ABCC1: variants seen among roughly 807,000 people sequenced by gnomAD.
The protein encoded by ABCC1 is multidrug resistance-associated protein 1.
In ABCC1, 83 loss-of-function variants were observed where a neutral mutation model predicts 172.9. The observed-to-expected ratio is 0.48, with a 90% confidence interval of 0.40 to 0.58. ABCC1 has a LOEUF of 0.58. ABCC1 is among the 20% of genes least tolerant of loss of function. The pLI is 0.00. For synonymous variants in ABCC1, 937 were observed against 825.2 expected, an observed-to-expected ratio of 1.14 and a Z score of -2.32; for missense variants, 1,817 against 2,002.7, an observed-to-expected ratio of 0.91 and a Z score of 1.77.
At chr16:16,067,960 C>T (rs2050175992) in intron 12 of ABCC1, among the ~76,000 whole-genome samples, 196 bp from the exon 13 acceptor site, 1 of 152,104 alleles carries the variant, frequency 6.6e-6, no homozygotes, top group Non-Finnish European at 1.5e-5. Context: ...TTGATTTATC[C>T]AGTTCATTCC....
chr16:16,007,301 C>T (rs74354546), intron 1 of ABCC1, among the ~76,000 whole-genome samples: 1 of 151,524 alleles, frequency 6.6e-6, no homozygotes, highest in Admixed American at 6.6e-5. Context: ...GATCTCAGCT[C>T]GTTGCAACTT....
chr16:16,021,638 G>A (rs1209262420), intron 5 of ABCC1, among the ~76,000 whole-genome samples: 2 of 152,106 alleles, frequency 1.3e-5, no homozygotes. Context: ...AATTGCTTGT[G>A]CCCGGGAGGC....
intron 1 of ABCC1, among the ~76,000 whole-genome samples, chr16:15,952,581 T>C (rs1390069082): frequency 1.3e-5 from 2 of 151,640 alleles, no homozygotes; most frequent in Admixed American, 1.3e-4. Context: ...AAACGGAAAA[T>C]AGGGCCTGAG....
rs1351815442 is a variant in ABCC1 at position 16,136,539 on chromosome 16, A to T, written c.4187A>T (p.Asp1396Val). ...MNLDPFSQYSDEEVWTSLELA... is the reference protein window; with the variant it reads ...MNLDPFSQYSVEEVWTSLELA... ...CTGGACCCATTCAGCCAGTACTCGG[A>T]TGAAGAAGTCTGGACGTCCCTGGAG... is the stretch of plus-strand genomic sequence containing the variant. Residue 1396 changes from aspartate to valine, a missense_variant, in exon 29 of 31, where the codon GAT (aspartate) becomes GTT (valine). Physicochemically the swap from Asp to Val is radical, Grantham distance 152. Around this residue, in one of 3 missense-constraint regions of ABCC1, gnomAD observed 1,412 missense variants for 1,600.3 expected, o/e 0.88. Coordinates refer to ENST00000399410, the MANE Select transcript of ABCC1 (RefSeq NM_004996.4). The T allele has an allele frequency of 6.2e-7, 1 of 1,614,160 alleles. No homozygotes were observed. Among genetic ancestry groups the T allele is most frequent in the Non-Finnish European group, 8.5e-7 (1 of 1,180,026 alleles).
intron 11 of ABCC1, among the ~76,000 whole-genome samples, chr16:16,055,561 G>GA (rs2049614081): frequency 1.4e-5 from 2 of 141,084 alleles, no homozygotes; most frequent in Non-Finnish European, 3.1e-5. Context: ...AAAAAAAAAA[G>GA]AAAAAATACG....
chr16:16,055,549 C>CA (rs35490080), intron 11 of ABCC1, among the ~76,000 whole-genome samples: 44,862 of 142,546 alleles, frequency 0.31, 7,497 homozygotes, highest in African/African-American at 0.47. Flanking sequence ...GACTCCGTCA[C>CA]AAAAAAAAAA....
intron 11 of ABCC1, among the ~76,000 whole-genome samples, chr16:16,053,218 C>T (rs2049504865): frequency 6.6e-6 from 1 of 151,242 alleles, no homozygotes; most frequent in Non-Finnish European, 1.5e-5. Context: ...ACAAATTACC[C>T]CCTACTTTTT....
chr16:16,084,345 C>G (rs199552239), intron 17 of ABCC1, among the ~76,000 whole-genome samples: 1,828 of 124,808 alleles, frequency 0.015, no homozygotes, highest in Middle Eastern at 0.11. Context: ...TCAAGTGATC[C>G]GCTGGCCTCA....
chr16:15,980,183 A>G (rs1202879394), intron 1 of ABCC1, among the ~76,000 whole-genome samples: 1 of 152,138 alleles, frequency 6.6e-6, no homozygotes, highest in African/African-American at 2.4e-5. Context: ...TCTCAGGCCC[A>G]GGGGCAAATA....
chr16:15,950,956 G>T (rs1467860459), intron 1 of ABCC1, among the ~76,000 whole-genome samples: 1 of 152,072 alleles, frequency 6.6e-6, no homozygotes, highest in Non-Finnish European at 1.5e-5. Context: ...GGGTATCATT[G>T]TGTTTAATAA....
chr16:16,068,492 G>A (rs555969704), intron 13 of ABCC1, among the ~76,000 whole-genome samples, 190 bp downstream of exon 13: 1 of 152,350 alleles, frequency 6.6e-6, no homozygotes, highest in South Asian at 2.1e-4. Context: ...CTTCTTGACA[G>A]AGAACTCGCA....
chr16:15,956,027 T>C (rs11643934), intron 1 of ABCC1, among the ~76,000 whole-genome samples: 108,578 of 151,914 alleles, frequency 0.71, 38,971 homozygotes, highest in African/African-American at 0.78. Flanking sequence ...GCAGGTGGAT[T>C]ACCTGAGGTC....
At position 16,036,586 on chromosome 16, in the gene ABCC1, A is replaced by G. The variant is rs1392974889; in HGVS notation, c.792A>G (p.Glu264=). 4 of 1,614,094 alleles carry G rather than the reference A, an allele frequency of 2.5e-6. No homozygotes were observed. Among genetic ancestry groups the G allele is most frequent in the Non-Finnish European group, 2.5e-6 (3 of 1,179,958 alleles). ...VPVLVKNWKK[E]CAKTRKQPVK... ...TTTTGGTAAAGAACTGGAAGAAGGA[A>G]TGCGCCAAGACTAGGAAGTAAGTGT... Residue 264 remains glutamate, a synonymous_variant, in exon 7 of 31, where the codon GAA becomes GAG. Transcript: ENST00000399410.
chr16:16,110,866 G>A (rs141541404), intron 21 of ABCC1, among the ~76,000 whole-genome samples: 68 of 152,206 alleles, frequency 4.5e-4, no homozygotes, highest in Non-Finnish European at 7.9e-4. Flanking sequence ...CTCACCACGC[G>A]ACTGGAAGCT....
In ABCC1 at chr16:16,100,219, T is replaced by C. The variant is rs576849301; in HGVS notation, c.2645-2408T>C. Among the ~76,000 whole-genome samples the C allele has an allele frequency of 1.3e-3, 202 of 152,074 alleles. 2 individuals carry two copies. Among genetic ancestry groups the C allele is most frequent in the African/African-American group, 4.7e-3 (197 of 41,480 alleles). On this transcript the variant is annotated intron_variant, in intron 19 of 30. Transcript: ENST00000399410. ...CCAGTTCGACCTGTGGGCTAATTGGTGGGTTGAGAGGGTAAGACAGCCTTA... is the reference window on the plus strand; with the variant it reads ...CCAGTTCGACCTGTGGGCTAATTGGCGGGTTGAGAGGGTAAGACAGCCTTA...
At chr16:16,110,115 T>TG (rs1486426189) in intron 21 of ABCC1, among the ~76,000 whole-genome samples, 5 of 150,382 alleles carry the variant, frequency 3.3e-5, no homozygotes, top group African/African-American at 1.2e-4. Context: ...TTTTTTTTTT[T>TG]TCCCCCTGGA....
intron 19 of ABCC1, 127 bp from the exon 20 acceptor site, chr16:16,102,500 C>T (rs1041140417): frequency 1.4e-5 from 11 of 808,934 alleles, no homozygotes; most frequent in Admixed American, 6.6e-5. Flanking sequence ...AGGTCTCCTA[C>T]TTTCTGATCA....
intron 3 of ABCC1, among the ~76,000 whole-genome samples, chr16:16,011,816 T>C (rs7203145): frequency 0.41 from 61,562 of 151,834 alleles, 14,002 homozygotes; most frequent in Non-Finnish European, 0.52. Context: ...ATTACAGGCA[T>C]GCGCCACCAC....
chr16:16,076,335 C>G lies in ABCC1; in HGVS notation c.1922C>G (p.Thr641Arg), dbSNP rs756498834. Reference sequence around the variant, plus strand: ...TCTCTGTGCTTTGTAGGCGGGGGCACGAACAGCATCACCGTGAGGAATGCC... The same window carrying G: ...TCTCTGTGCTTTGTAGGCGGGGGCAGGAACAGCATCACCGTGAGGAATGCC... ...ERRPVKDGGG[T>R]NSITVRNATF... The change falls in exon 15 of 31, where the codon ACG becomes AGG. Residue 641 changes from threonine to arginine, a missense_variant. Physicochemically the swap from Thr to Arg is moderately conservative, Grantham distance 71. Transcript: ENST00000399410. 2 of 1,612,332 alleles carry G rather than the reference C, an allele frequency of 1.2e-6. No individual in the cohort carries two copies. The highest frequency in any genetic ancestry group is 1.1e-5 in the South Asian group (1 of 90,592).
Sources: allele counts gnomAD v4.1 joint callset (sites outside exome capture counted in the v4.1 genomes callset), GRCh38; gene constraint gnomAD v4.1.1; regional missense constraint gnomAD v4.1.1; transcripts MANE v1.5; gene names NCBI Gene and HGNC (gene_info 2026-07-23, HGNC 2026-07-21).